The following OR7C1 variants were observed in gnomAD, a reference collection of about 807,000 sequenced individuals.
OR7C1 encodes the protein olfactory receptor family 7 subfamily C member 1, also known as olfactory receptor 7C1.
For missense variants in OR7C1, 324 were observed against 383.3 expected (o/e 0.85, Z 1.29); for synonymous variants, 152 against 160.7 (o/e 0.95, Z 0.41).
At position 14,831,359 on chromosome 19, in the gene OR7C1, G is replaced by T. The variant is rs920652113; in HGVS notation, c.-623+3715C>A. Among the ~76,000 whole-genome samples, 5 of 152,154 alleles carry T rather than the reference G, an allele frequency of 3.3e-5. No individual in the cohort carries two copies. In the East Asian group the frequency reaches 9.6e-4, roughly 29 times the overall value. ...CTATTCCATATTTACTTGATCAATT[G>T]GTTTTTATATGAATTGAGAGTGGAT... is the stretch of plus-strand genomic sequence containing the variant. On this transcript the variant is annotated intron_variant, in intron 1 of 4. Transcript: ENST00000641666.
At chr19:14,810,102 C>T (rs1018430534) in intron 1 of OR7C1, 109 bp from the exon 2 acceptor site, 1 of 151,922 alleles carries the variant, frequency 6.6e-6, no homozygotes, top group African/African-American at 2.4e-5. Context: ...AGTTCAGCTC[C>T]TTGGAGGCCA....
At chr19:14,830,823 C>G (rs1034107167) in intron 1 of OR7C1, among the ~76,000 whole-genome samples, 2 of 152,126 alleles carry the variant, frequency 1.3e-5, no homozygotes, top group Non-Finnish European at 2.9e-5. Context: ...CTTCATGGTC[C>G]AGGACACACA....
At chr19:14,819,511 T>C (rs1023596654) in intron 1 of OR7C1, among the ~76,000 whole-genome samples, 4 of 152,230 alleles carry the variant, frequency 2.6e-5, no homozygotes. Context: ...TATTCCTTTA[T>C]ATGGCTGCAT....
chr19:14,800,810 C>T (rs367749239), intron 2 of OR7C1, 46 bp from the exon 3 acceptor site: 28 of 152,340 alleles, frequency 1.8e-4, no homozygotes, highest in African/African-American at 6.7e-4. Context: ...GGCCACCAGC[C>T]TTCCCTGAGC....
chr19:14,823,625 A>T, intron 1 of OR7C1, among the ~76,000 whole-genome samples: 1 of 151,638 alleles, frequency 6.6e-6, no homozygotes, highest in Non-Finnish European at 1.5e-5. Context: ...TCATCTTCCC[A>T]CCCTTCTGGG....
intron 1 of OR7C1, among the ~76,000 whole-genome samples, chr19:14,830,792 A>G (rs73506415): frequency 0.042 from 6,388 of 152,274 alleles, 231 homozygotes; most frequent in African/African-American, 0.096. Context: ...GAGAAGATAG[A>G]TAAGCTCTAA....
chr19:14,808,186 T>C (rs34953389), intron 2 of OR7C1, among the ~76,000 whole-genome samples: 7 of 151,814 alleles, frequency 4.6e-5, no homozygotes, highest in Non-Finnish European at 8.8e-5. Context: ...GCAAATTAAT[T>C]CAGTCTCTAT....
chr19:14,805,469 G>A (rs2038358583), intron 2 of OR7C1, among the ~76,000 whole-genome samples: 1 of 137,478 alleles, frequency 7.3e-6, no homozygotes, highest in African/African-American at 2.8e-5. Context: ...AGGCTGGAGT[G>A]CAGTGGTATG....
chr19:14,814,925 C>T (rs560991276), intron 1 of OR7C1, among the ~76,000 whole-genome samples: 18 of 152,304 alleles, frequency 1.2e-4, no homozygotes, highest in Admixed American at 4.6e-4. Context: ...AGACTTCTTG[C>T]GGCAATAAGA....
chr19:14,833,203 G>A (rs531355025), intron 1 of OR7C1, among the ~76,000 whole-genome samples: 12 of 152,354 alleles, frequency 7.9e-5, no homozygotes, highest in African/African-American at 2.9e-4. Context: ...TATCGGCCAG[G>A]TACGGTGGCT....
At chr19:14,813,508 T>C (rs2044701264) in intron 1 of OR7C1, among the ~76,000 whole-genome samples, 1 of 152,088 alleles carries the variant, frequency 6.6e-6, no homozygotes, top group African/African-American at 2.4e-5. Flanking sequence ...TGAGCCAAGA[T>C]TGTGCCACTG....
chr19:14,814,039 G>A (rs2044704933), intron 1 of OR7C1, among the ~76,000 whole-genome samples: 2 of 151,968 alleles, frequency 1.3e-5, no homozygotes, highest in African/African-American at 4.8e-5. Flanking sequence ...ATGGATTAAA[G>A]ACTTAAACAT....
In OR7C1 at chr19:14,799,375, C is replaced by T. The variant is rs772382874; in HGVS notation, c.762G>A (p.Thr254=). The T allele has an allele frequency of 5.1e-5, 82 of 1,613,944 alleles. No individual in the cohort carries two copies. The South Asian group carries it at 7.7e-4, about 15-fold the overall frequency. The stretch of plus-strand genomic sequence containing the variant: ...CAGAACTGAGATAGACCCCAAAGCC[C>T]GTGCCATAGAACAAGGTGACCACTG... Residue 254 remains threonine (T), a synonymous_variant, in exon 5 of 5, where the codon ACG becomes ACA. Coordinates refer to ENST00000641666, the Ensembl canonical transcript of OR7C1.
chr19:14,823,133 G>A (rs372898046), intron 1 of OR7C1, among the ~76,000 whole-genome samples: 1 of 152,106 alleles, frequency 6.6e-6, no homozygotes, highest in Non-Finnish European at 1.5e-5. Context: ...ATAGCTTCAG[G>A]TGTTATCCTT....
chr19:14,815,080 A>G (rs2044710039), intron 1 of OR7C1, among the ~76,000 whole-genome samples: 1 of 152,186 alleles, frequency 6.6e-6, no homozygotes, highest in South Asian at 2.1e-4. Context: ...CAGGGTAAGC[A>G]ATATTAAAAC....
chr19:14,809,076 G>A (rs972444178), intron 2 of OR7C1, among the ~76,000 whole-genome samples: 4 of 151,938 alleles, frequency 2.6e-5, no homozygotes, highest in Non-Finnish European at 5.9e-5. Context: ...TCAATGGTGT[G>A]TTTCGAGTGA....
intron 2 of OR7C1, among the ~76,000 whole-genome samples, chr19:14,802,046 A>G (rs1357998130): frequency 6.6e-6 from 1 of 152,234 alleles, no homozygotes; most frequent in Non-Finnish European, 1.5e-5. Context: ...TTAGAGCAAC[A>G]AAGTGAATCC....
At chr19:14,799,137 C>T in exon 5 of OR7C1, 2 of 1,552,536 alleles carry the variant, frequency 1.3e-6, no homozygotes, top group Non-Finnish European at 1.7e-6. Flanking sequence ...ATTCAAGAAC[C>T]ACCAAAAGTG....
chr19:14,817,118 A>G (rs1280136878), intron 1 of OR7C1, among the ~76,000 whole-genome samples: 2 of 152,228 alleles, frequency 1.3e-5, no homozygotes, highest in Non-Finnish European at 2.9e-5. Context: ...TGCAAAGTAA[A>G]GCTTGCTATC....
Sources: gnomAD v4.1 joint callset for allele counts (sites outside exome capture counted in the v4.1 genomes callset) on GRCh38, gnomAD v4.1.1 for gene constraint, MANE v1.5 for transcripts, NCBI Gene and HGNC (gene_info 2026-07-23, HGNC 2026-07-21) for gene names.